Variants in SLC37A1 observed in about 807,000 individuals in gnomAD.
SLC37A1 encodes the protein solute carrier family 37 member 1.
Under a neutral mutation model 75.3 loss-of-function variants are expected in SLC37A1, and 49 were observed. That is an observed-to-expected ratio of 0.65 (90% CI 0.52 to 0.83). The LOEUF (loss-of-function observed/expected upper bound fraction) is 0.83. Among genes scored for constraint, SLC37A1 ranks in the 40% least tolerant of loss-of-function variants. The probability of loss-of-function intolerance (pLI) is 0.00; values close to 1 mark genes in which losing one functional copy is unlikely to be tolerated. For synonymous variants in SLC37A1, 268 were observed against 292.1 expected, an observed-to-expected ratio of 0.92 and a Z score of 0.84; for missense variants, 566 against 695.0, an observed-to-expected ratio of 0.81 and a Z score of 2.09.
rs554489760 is a variant in SLC37A1 at position 42,504,159 on chromosome 21, T to G, written c.-179+1742T>G. Among the ~76,000 whole-genome samples, 31 of 152,342 alleles carry G rather than the reference T, an allele frequency of 2.0e-4. No individual in the cohort carries two copies. The South Asian group carries it at 4.6e-3, about 22-fold the overall frequency. ...TAGTTATCTTGGTATGTTCAAAATA[T>G]TGTGGCTTTCTTTTTAGCAGTTCTT... On this transcript the variant is annotated intron_variant, in intron 2 of 20. Coordinates refer to the SLC37A1 transcript ENST00000398341.
intron 3 of SLC37A1, among the ~76,000 whole-genome samples, chr21:42,530,568 A>C (rs2054921886): frequency 6.7e-6 from 1 of 148,498 alleles, no homozygotes; most frequent in South Asian, 2.2e-4. Flanking sequence ...CGTAAAGTTG[A>C]CTAGACAGAT....
chr21:42,526,234 A>G (rs368178710), intron 3 of SLC37A1, among the ~76,000 whole-genome samples: 82 of 152,272 alleles, frequency 5.4e-4, no homozygotes, highest in African/African-American at 2.0e-3. Flanking sequence ...GTGGCTCTCC[A>G]TTGTTCTTGG....
chr21:42,512,755 GA>G (rs2054450011), upstream of SLC37A1, among the ~76,000 whole-genome samples: 1 of 152,250 alleles, frequency 6.6e-6, no homozygotes, highest in Non-Finnish European at 1.5e-5. Context: ...TCTGCCTGCA[GA>G]AGGCTTCTCA....
rs149044169 is a variant in SLC37A1, at chr21:42,552,137, C to T, written c.769-1925C>T. On this transcript the variant is annotated intron_variant, in intron 9 of 19. Transcript: ENST00000352133. The surrounding 1 kb of genome is among the most constrained non-coding windows in gnomAD (Gnocchi z 4.2). ...AGAATGTGTCTCTTTATGCTTCTGC[C>T]CTGTGCTATTGAAGAGCCATGGGAA... Among the ~76,000 whole-genome samples the T allele has an allele frequency of 3.7e-3, 558 of 152,136 alleles. 3 individuals are homozygous for T. The highest frequency in any genetic ancestry group is 0.013 in the African/African-American group (536 of 41,474).
intron 13 of SLC37A1, 67 bp downstream of exon 13, chr21:42,563,944 T>A: frequency 6.4e-7 from 1 of 1,557,042 alleles, no homozygotes; most frequent in Non-Finnish European, 8.8e-7. Context: ...CTGAGTTGAT[T>A]CACTGCTCAG....
chr21:42,572,332 C>T (rs374540323), intron 17 of SLC37A1, among the ~76,000 whole-genome samples: 10 of 152,298 alleles, frequency 6.6e-5, no homozygotes, highest in East Asian at 1.9e-4. Context: ...AACACCTGCC[C>T]TTCACTTTAG....
chr21:42,534,418 C>T (rs780458625), intron 3 of SLC37A1, among the ~76,000 whole-genome samples: 1 of 152,118 alleles, frequency 6.6e-6, no homozygotes, highest in African/African-American at 2.4e-5. Context: ...AAACTGCTCC[C>T]GAGGCTCGTC....
At chr21:42,573,196 CA>C (rs1393487843) in intron 17 of SLC37A1, among the ~76,000 whole-genome samples, 1 of 152,196 alleles carries the variant, frequency 6.6e-6, no homozygotes, top group African/African-American at 2.4e-5. Context: ...GTCTCTTTAT[CA>C]GTGAGGATGA....
chr21:42,543,698 C>G (rs944664561), intron 8 of SLC37A1, 96 bp downstream of exon 8: 62 of 1,300,078 alleles, frequency 4.8e-5, no homozygotes, highest in Non-Finnish European at 6.3e-5. Flanking sequence ...GCTGCGTGGC[C>G]TAGCGCCCTG....
At chr21:42,571,006 C>T (rs1312879352) in intron 17 of SLC37A1, among the ~76,000 whole-genome samples, 1 of 152,236 alleles carries the variant, frequency 6.6e-6, no homozygotes, top group Non-Finnish European at 1.5e-5. Context: ...GAGGCAGGAC[C>T]AGGACCTGAC....
intron 2 of SLC37A1, 63 bp from the exon 3 acceptor site, chr21:42,525,713 T>A: frequency 8.8e-7 from 1 of 1,141,210 alleles, no homozygotes; most frequent in South Asian, 1.2e-5. Flanking sequence ...AACACAGTGA[T>A]ATGTATTCCT....
intron 5 of SLC37A1, among the ~76,000 whole-genome samples, chr21:42,537,164 G>A (rs989700504): frequency 6.6e-6 from 1 of 152,192 alleles, no homozygotes; most frequent in Admixed American, 6.5e-5. Flanking sequence ...AGAGTGCATA[G>A]CTCTCCCTTT....
At chr21:42,522,235 A>G (rs1408117232) in intron 2 of SLC37A1, among the ~76,000 whole-genome samples, 2 of 152,260 alleles carry the variant, frequency 1.3e-5, no homozygotes, top group Admixed American at 6.5e-5. Flanking sequence ...TTGGGTGGAC[A>G]TGAAATTATG....
intron 2 of SLC37A1, among the ~76,000 whole-genome samples, chr21:42,507,717 G>A (rs888751458): frequency 6.6e-6 from 1 of 152,190 alleles, no homozygotes; most frequent in African/African-American, 2.4e-5. Context: ...GCCTCACATA[G>A]TGAGAGGGGA....
rs2054476050 is a variant in SLC37A1 at position 42,514,105 on chromosome 21, C to T, written c.-791C>T. Reference sequence around the variant, plus strand: ...TCCTCTCCTTCCTTTTCTTTTTTTTCGGGGGGAGGTGGGGGCTGGTTTGGA... The same window carrying T: ...TCCTCTCCTTCCTTTTCTTTTTTTTTGGGGGGAGGTGGGGGCTGGTTTGGA... On this transcript the variant is annotated 5_prime_UTR_variant, in exon 1 of 20. Coordinates refer to ENST00000352133, the MANE Select transcript of SLC37A1 (RefSeq NM_001320537.2). This position sits in a 1 kb window ranked among gnomAD's most constrained non-coding sequence, Gnocchi z 4.8. 6.6e-6 allele frequency: 1 copy of T among 150,456 alleles called. No homozygotes were observed. The highest frequency in any genetic ancestry group is 1.5e-5 in the Non-Finnish European group (1 of 67,524). The allele number at this position is 150,456 out of a possible 1,614,324, so 9.3% of individuals were successfully genotyped here.
chr21:42,546,270 G>A (rs939985581), intron 8 of SLC37A1, among the ~76,000 whole-genome samples: 3 of 152,202 alleles, frequency 2.0e-5, no homozygotes, highest in Non-Finnish European at 4.4e-5. Context: ...TAAAGGACAC[G>A]CTGAAGCCTC....
intron 1 of SLC37A1, among the ~76,000 whole-genome samples, chr21:42,501,210 A>G (rs1049765390): frequency 1.3e-5 from 2 of 152,234 alleles, no homozygotes; most frequent in Admixed American, 6.5e-5. Context: ...AGCAGTAGGA[A>G]AAGAGAAAAA....
chr21:42,577,956 G>A lies in SLC37A1; in HGVS notation c.1522-1780G>A, dbSNP rs146672150. Among the ~76,000 whole-genome samples, 22 of 152,346 alleles carry A rather than the reference G, an allele frequency of 1.4e-4. No individual in the cohort carries two copies. In the East Asian group the frequency reaches 2.9e-3, roughly 20 times the overall value. On this transcript the variant is annotated intron_variant, in intron 18 of 19. Transcript: ENST00000352133. ...AGCACTTGGGAGACGGGGGCTTGTC[G>A]CAGTGGAGAAGGAACTATACCAGGA... is the stretch of plus-strand genomic sequence containing the variant.
At position 42,564,014 on chromosome 21, in the gene SLC37A1, G is replaced by A; in HGVS notation, c.1135+137G>A. The stretch of plus-strand genomic sequence containing the variant: ...AGTGGGCCCAGCCCAAGAGGGTCAG[G>A]CCGTCACCTGGGGGTGGTTTTATTG... On this transcript the variant is annotated intron_variant, in intron 13 of 19. Transcript: ENST00000352133. The A allele has an allele frequency of 7.4e-6, 7 of 951,468 alleles. No individual in the cohort carries two copies. In the South Asian group the frequency reaches 7.4e-5, roughly 10 times the overall value. The allele number at this position is 951,468 out of a possible 1,614,324, so 58.9% of individuals were successfully genotyped here. A position where few individuals can be genotyped will look rare whatever the true frequency, so the allele number is the denominator to read the frequency against.
Sources: gnomAD v4.1 joint callset for allele counts (sites outside exome capture counted in the v4.1 genomes callset) on GRCh38, gnomAD v4.1.1 for gene constraint, Gnocchi (gnomAD v3.1) non-coding constraint, MANE v1.5 for transcripts, NCBI Gene and HGNC (gene_info 2026-07-23, HGNC 2026-07-21) for gene names.